SPTBN1: variants seen among roughly 807,000 people sequenced by gnomAD.
SPTBN1 encodes the protein spectrin beta chain, non-erythrocytic 1.
Under a neutral mutation model 266.4 loss-of-function variants are expected in SPTBN1, and 32 were observed. That is an observed-to-expected ratio of 0.12 (90% CI 0.09 to 0.16). The LOEUF (loss-of-function observed/expected upper bound fraction) is 0.16. Ranked by LOEUF, SPTBN1 falls within the 10% of genes least tolerant of loss-of-function variation. The pLI is 1.00. For synonymous variants in SPTBN1, 1,336 were observed against 1,162.2 expected (o/e 1.15, Z -3.04); for missense variants, 2,296 against 3,067.1 (o/e 0.75, Z 5.94).
chr2:54,472,972 T>A (rs923345061), intron 1 of SPTBN1, among the ~76,000 whole-genome samples: 1 of 152,258 alleles, frequency 6.6e-6, no homozygotes, highest in Non-Finnish European at 1.5e-5. Context: ...TTAACAGATA[T>A]GTTAATTATC....
At chr2:54,531,953 T>G (rs1175512887) in intron 2 of SPTBN1, among the ~76,000 whole-genome samples, 1 of 152,016 alleles carries the variant, frequency 6.6e-6, no homozygotes, top group Non-Finnish European at 1.5e-5. Context: ...AAACCTCAAG[T>G]CTTCAGCTTG....
chr2:54,640,390 C>T (rs1394383621), intron 18 of SPTBN1, among the ~76,000 whole-genome samples: 1 of 151,968 alleles, frequency 6.6e-6, no homozygotes, highest in Non-Finnish European at 1.5e-5. Flanking sequence ...TTGTAAGATC[C>T]GCCCCTGTTA....
At chr2:54,536,408 C>G (rs774049515) in intron 2 of SPTBN1, among the ~76,000 whole-genome samples, 4 of 152,078 alleles carry the variant, frequency 2.6e-5, no homozygotes, top group African/African-American at 9.7e-5. Flanking sequence ...ATTTAATTTT[C>G]TAATTAGGAG....
intron 1 of SPTBN1, among the ~76,000 whole-genome samples, chr2:54,457,821 T>C (rs1479900638): frequency 6.6e-6 from 1 of 151,348 alleles, no homozygotes; most frequent in Admixed American, 6.6e-5. Flanking sequence ...CAGGGGAGAG[T>C]CTTTTCTTTT....
chr2:54,525,481 G>A (rs991859988), intron 1 of SPTBN1, among the ~76,000 whole-genome samples: 10 of 152,018 alleles, frequency 6.6e-5, no homozygotes, highest in African/African-American at 1.4e-4. Flanking sequence ...TGATCCGCCC[G>A]CCTCAGCCTC....
chr2:54,487,170 C>CTTTTTTT (rs34779689), intron 1 of SPTBN1, among the ~76,000 whole-genome samples: 3 of 98,584 alleles, frequency 3.0e-5, no homozygotes, highest in South Asian at 3.3e-4. Context: ...ATTAGGATTT[C>CTTTTTTT]TTTTTTTTTT....
intron 32 of SPTBN1, chr2:54,663,302 ATTGAC>A (rs1371026451): frequency 6.6e-6 from 1 of 152,158 alleles, no homozygotes; most frequent in Non-Finnish European, 1.5e-5. Flanking sequence ...TGAGCGTGCC[ATTGAC>A]TTCTCCATGT....
At position 54,540,010 on chromosome 2, in the gene SPTBN1, AG is replaced by A. The variant is rs1170438640; in HGVS notation, c.148+13445del. On this transcript the variant is annotated intron_variant, in intron 2 of 35. Transcript: ENST00000356805. This position sits in a 1 kb window ranked among gnomAD's most constrained non-coding sequence, Gnocchi z 5.6. ...GTGAATGGGATTCATGTCCGTATAA[AG>A]TAGACATGGGAAATGATCTTTCTCC... Among the ~76,000 whole-genome samples, 1 of 152,178 alleles carries A rather than the reference AG, an allele frequency of 6.6e-6. No individual in the cohort carries two copies. Among genetic ancestry groups the A allele is most frequent in the African/African-American group, 2.4e-5 (1 of 41,440 alleles).
intron 2 of SPTBN1, among the ~76,000 whole-genome samples, chr2:54,572,764 C>T (rs1216035489): frequency 6.6e-6 from 1 of 152,174 alleles, no homozygotes; most frequent in East Asian, 1.9e-4. Flanking sequence ...CATACTCGTT[C>T]AGCAGTGGGC....
chr2:54,664,449 C>G lies in SPTBN1; in HGVS notation c.6421-4C>G, dbSNP rs769561656. Reference sequence around the variant, plus strand: ...TAGCTGAATGGCCTCTCCGCTGTCCCTAGATGGCAGAAACGGTGGACACAA... The same window carrying G: ...TAGCTGAATGGCCTCTCCGCTGTCCGTAGATGGCAGAAACGGTGGACACAA... On this transcript the variant is annotated splice_polypyrimidine_tract_variant and splice_region_variant and intron_variant, in intron 32 of 35. Coordinates refer to ENST00000356805, the MANE Select transcript of SPTBN1 (RefSeq NM_003128.3). The surrounding 1 kb of genome is among the most constrained non-coding windows in gnomAD (Gnocchi z 5.6). 140 of 1,609,938 alleles carry G rather than the reference C, an allele frequency of 8.7e-5. No homozygotes were observed. Among genetic ancestry groups the G allele is most frequent in the South Asian group, 9.9e-5 (9 of 91,012 alleles).
chr2:54,599,820 A>G (rs1676360117), intron 3 of SPTBN1, among the ~76,000 whole-genome samples: 1 of 152,168 alleles, frequency 6.6e-6, no homozygotes. Flanking sequence ...TGCAATGAAA[A>G]TTGTATCCCC....
chr2:54,653,478 C>T lies in SPTBN1; in HGVS notation c.5578-131C>T. 7.0e-7 allele frequency: 1 copy of T among 1,437,428 alleles called. No individual in the cohort carries two copies. The allele number at this position is 1,437,428 out of a possible 1,614,324, so 89.0% of individuals were successfully genotyped here. ...GATCTCCCCAGTGAAATTGAGGGCT[C>T]CTTAAGGGGCATGGGCCATATTTTG... is the stretch of plus-strand genomic sequence containing the variant. On this transcript the variant is annotated intron_variant, in intron 26 of 35. Coordinates refer to ENST00000356805, the MANE Select transcript of SPTBN1 (RefSeq NM_003128.3). The surrounding 1 kb of genome is among the most constrained non-coding windows in gnomAD (Gnocchi z 5.1).
intron 2 of SPTBN1, among the ~76,000 whole-genome samples, chr2:54,569,025 G>A (rs911572483): frequency 1.3e-5 from 2 of 152,196 alleles, no homozygotes; most frequent in South Asian, 2.1e-4. Flanking sequence ...TGGATTTGAA[G>A]TATGTGAAAT....
chr2:54,642,938 G>T, intron 18 of SPTBN1, 45 bp from the exon 19 acceptor site: 1 of 1,586,868 alleles, frequency 6.3e-7, no homozygotes, highest in South Asian at 1.1e-5. Context: ...AAAAAAGGCT[G>T]ATGTCTAGGA....
Position 54,492,736 on chromosome 2 carries a change from A to G in SPTBN1, c.-47-33636A>G, listed in dbSNP as rs375653879. ...AAAGATACCCCCAGCCTGATGTAGA[A>G]ATGTAATTGACTACTGAGTGGATTT... is the stretch of plus-strand genomic sequence containing the variant. On this transcript the variant is annotated intron_variant, in intron 1 of 35. Transcript: ENST00000356805. Among the ~76,000 whole-genome samples the G allele has an allele frequency of 5.9e-5, 9 of 152,328 alleles. No homozygotes were observed. The East Asian group carries it at 1.3e-3, about 23-fold the overall frequency.
At chr2:54,588,360 T>G (rs1233899218) in intron 2 of SPTBN1, among the ~76,000 whole-genome samples, 3 of 152,190 alleles carry the variant, frequency 2.0e-5, no homozygotes, top group Admixed American at 6.5e-5. Flanking sequence ...GAGTTTTTTC[T>G]TCTTGTTTTG....
chr2:54,604,316 T>TA (rs963464589), intron 3 of SPTBN1, among the ~76,000 whole-genome samples: 12 of 151,890 alleles, frequency 7.9e-5, no homozygotes, highest in South Asian at 4.2e-4. Context: ...TCCTCTCCTA[T>TA]AAAAAAAAGA....
intron 1 of SPTBN1, among the ~76,000 whole-genome samples, chr2:54,460,990 G>A (rs2103789573): frequency 1.3e-5 from 2 of 152,234 alleles, no homozygotes; most frequent in Middle Eastern, 6.8e-3. Context: ...TGACAAGAGC[G>A]AGACTCTGTC....
intron 1 of SPTBN1, among the ~76,000 whole-genome samples, chr2:54,477,336 A>G (rs765834565): frequency 8.5e-5 from 13 of 152,054 alleles, no homozygotes; most frequent in South Asian, 2.1e-4. Context: ...GTAACTGTAC[A>G]TGGGTAAAAC....
Sources: allele counts gnomAD v4.1 joint callset (sites outside exome capture counted in the v4.1 genomes callset), GRCh38; gene constraint gnomAD v4.1.1; non-coding constraint Gnocchi (gnomAD v3.1); transcripts MANE v1.5; gene names NCBI Gene and HGNC (gene_info 2026-07-23, HGNC 2026-07-21).